GRAMD4: variants seen among roughly 807,000 people sequenced by gnomAD.
GRAMD4 encodes GRAM domain-containing protein 4.
In GRAMD4, 25 loss-of-function variants were observed where a neutral mutation model predicts 83.9. The observed-to-expected ratio is 0.30, with a 90% CI of 0.22 to 0.42. The LOEUF (loss-of-function observed/expected upper bound fraction) is 0.42, where lower values mean the gene tolerates loss of function less well. Ranked by LOEUF, GRAMD4 falls within the 10% of genes least tolerant of loss-of-function variation. GRAMD4 has a pLI of 1.00. For missense variants in GRAMD4, 593 were observed against 788.7 expected (o/e 0.75, Z 2.97); for synonymous variants, 336 against 320.9 (o/e 1.05, Z -0.50).
In GRAMD4 at chr22:46,659,982, C is replaced by G. The variant is rs552026542; in HGVS notation, c.405-1399C>G. ...GGTCCCCAGGCATTTGGCCACAGTG[C>G]CATCCCCGCCACGGGACGCTGCTTC... On this transcript the variant is annotated intron_variant, in intron 4 of 18. Transcript: ENST00000406902. The surrounding 1 kb of genome is among the most constrained non-coding windows in gnomAD (Gnocchi z 4.1). 1.8e-4 allele frequency among the ~76,000 whole-genome samples: 27 copies of G among 152,218 alleles called. No individual in the cohort carries two copies. Among genetic ancestry groups the G allele is most frequent in the African/African-American group, 6.0e-4 (25 of 41,462 alleles).
intron 1 of GRAMD4, among the ~76,000 whole-genome samples, chr22:46,624,798 C>A (rs1283365974): frequency 2.6e-5 from 4 of 152,186 alleles, no homozygotes; most frequent in African/African-American, 9.6e-5. Context: ...TGGGGTCCTC[C>A]CAGCTTCCAG....
In GRAMD4 at chr22:46,626,924, G is replaced by A. The variant is rs1319297521; in HGVS notation, c.125G>A (p.Arg42Gln). 9.3e-6 allele frequency: 15 copies of A among 1,613,996 alleles called. No homozygotes were observed. The African/African-American group carries it at 1.2e-4, about 13-fold the overall frequency. ...CSDEIPLKVP[R>Q]TSPRDSEELR... Reference sequence around the variant, plus strand: ...GACGAAATCCCCCTGAAGGTACCGCGGACCTCGCCCCGGGACAGCGAGGAG... The same window carrying A: ...GACGAAATCCCCCTGAAGGTACCGCAGACCTCGCCCCGGGACAGCGAGGAG... The change falls in exon 2 of 19, where the codon CGG becomes CAG. Residue 42 changes from arginine to glutamine, a missense_variant. Around this residue, in one of 4 missense-constraint regions of GRAMD4, gnomAD observed 312 missense variants for 350.7 expected, o/e 0.89. Coordinates refer to ENST00000406902, the MANE Select transcript of GRAMD4 (RefSeq NM_015124.5).
chr22:46,618,864 C>T (rs575156747), upstream of GRAMD4, among the ~76,000 whole-genome samples: 4 of 152,322 alleles, frequency 2.6e-5, no homozygotes, highest in Non-Finnish European at 4.4e-5. The surrounding 1 kb of genome is among the most constrained non-coding windows in gnomAD (Gnocchi z 5.8). Context: ...TTCACCCAGA[C>T]AGCTGGTGGA....
intron 3 of GRAMD4, among the ~76,000 whole-genome samples, chr22:46,652,492 G>A (rs545819821): frequency 2.0e-5 from 3 of 152,344 alleles, no homozygotes; most frequent in African/African-American, 4.8e-5. Context: ...CTGTGTTGGT[G>A]GTGAGCCATG....
intron 1 of GRAMD4, among the ~76,000 whole-genome samples, chr22:46,597,741 G>C (rs1019052740): frequency 6.6e-6 from 1 of 151,922 alleles, no homozygotes; most frequent in Non-Finnish European, 1.5e-5. Flanking sequence ...TGCCCGCTTC[G>C]GCCTCCCAAA....
At chr22:46,644,192 TATGTTACACCTGTCCCTGTTCC>T (rs1225972641) in intron 3 of GRAMD4, among the ~76,000 whole-genome samples, 5 of 151,994 alleles carry the variant, frequency 3.3e-5, no homozygotes, top group African/African-American at 1.2e-4. Context: ...GCCCCTGTTC[TATGTTACACCTGTCCCTGTTCC>T]ATGTTACACC....
chr22:46,662,961 T>C, intron 5 of GRAMD4, 79 bp from the exon 6 acceptor site: 6 of 1,403,774 alleles, frequency 4.3e-6, no homozygotes, highest in Non-Finnish European at 5.8e-6. Flanking sequence ...GGCCCCTCCC[T>C]GCCCTGAGAT....
chr22:46,644,566 C>T (rs1249759839), intron 3 of GRAMD4, among the ~76,000 whole-genome samples: 1 of 152,084 alleles, frequency 6.6e-6, no homozygotes, highest in East Asian at 1.9e-4. Context: ...GCCCCTGTTC[C>T]GTGTTACACC....
chr22:46,615,670 AGGTTCCCC>A (rs2081475469), upstream of GRAMD4, among the ~76,000 whole-genome samples: 1 of 22,520 alleles, frequency 4.4e-5, no homozygotes, highest in Non-Finnish European at 9.3e-5. Context: ...CCCCGTGCGT[AGGTTCCCC>A]TGTGCGTAGG....
chr22:46,627,103 G>T, intron 2 of GRAMD4, 142 bp downstream of exon 2: 7 of 634,468 alleles, frequency 1.1e-5, no homozygotes, highest in Non-Finnish European at 1.9e-5. Flanking sequence ...TGTCTCACCT[G>T]CTCCCGACCC....
At chr22:46,588,041 G>C (rs1443375148) in intron 1 of GRAMD4, 2 of 746,358 alleles carry the variant, frequency 2.7e-6, no homozygotes, top group African/African-American at 3.8e-5. Context: ...TCTAGATGTC[G>C]GGTTTAGAGA....
At chr22:46,642,334 C>T (rs1232690857) in intron 3 of GRAMD4, among the ~76,000 whole-genome samples, 1 of 152,258 alleles carries the variant, frequency 6.6e-6, no homozygotes, top group African/African-American at 2.4e-5. Context: ...CGCTGGTGAC[C>T]TGTCGTGTGT....
At position 46,668,186 on chromosome 22, in the gene GRAMD4, G is replaced by A. The variant is rs1555975486; in HGVS notation, c.930+19G>A. On this transcript the variant is annotated intron_variant, in intron 11 of 18. Transcript: ENST00000406902. ...AGCCCAGGTACTGCCACGGGCGCCG[G>A]CCAGGGGTGTGTCTGCGCCAGCCAT... The A allele has an allele frequency of 3.0e-5, 47 of 1,586,888 alleles. No homozygotes were observed. The South Asian group carries it at 5.2e-4, about 18-fold the overall frequency.
chr22:46,626,664 C>T, intron 1 of GRAMD4, 87 bp from the exon 2 acceptor site: 2 of 784,372 alleles, frequency 2.5e-6, no homozygotes, highest in Non-Finnish European at 2.0e-6. Flanking sequence ...CTTTGGAAAG[C>T]TGGACCGGCT....
intron 1 of GRAMD4, among the ~76,000 whole-genome samples, chr22:46,608,697 G>T (rs560277767): frequency 6.6e-6 from 1 of 151,838 alleles, no homozygotes; most frequent in Non-Finnish European, 1.5e-5. Flanking sequence ...GTGTGTGTGC[G>T]TAGCTGGCCA....
chr22:46,671,158 G>C (rs1293279547), intron 13 of GRAMD4: 1 of 455,892 alleles, frequency 2.2e-6, no homozygotes, highest in Non-Finnish European at 4.6e-6. Flanking sequence ...TCCTGGGTCG[G>C]CCACCACGTG....
intron 3 of GRAMD4, among the ~76,000 whole-genome samples, chr22:46,641,169 T>C (rs1333747821): frequency 1.3e-5 from 2 of 151,848 alleles, no homozygotes; most frequent in Admixed American, 1.3e-4. Context: ...GCCTGCCGGG[T>C]TCAAGCGATT....
chr22:46,656,724 C>G (rs1167441280), intron 3 of GRAMD4, among the ~76,000 whole-genome samples: 1 of 152,252 alleles, frequency 6.6e-6, no homozygotes, highest in Non-Finnish European at 1.5e-5. Context: ...CTGGCCCTGC[C>G]CAAGAACCTG....
chr22:46,584,111 C>T (rs1201879326), intron 1 of GRAMD4, among the ~76,000 whole-genome samples: 1 of 152,148 alleles, frequency 6.6e-6, no homozygotes, highest in East Asian at 1.9e-4. Flanking sequence ...CCTGGATGCA[C>T]CCCTTCACGG....
Sources: allele counts gnomAD v4.1 joint callset (sites outside exome capture counted in the v4.1 genomes callset), GRCh38; gene constraint gnomAD v4.1.1; regional missense constraint gnomAD v4.1.1; non-coding constraint Gnocchi (gnomAD v3.1); transcripts MANE v1.5; gene names NCBI Gene and HGNC (gene_info 2026-07-23, HGNC 2026-07-21).